The following NLGN1 variants were observed in gnomAD, a reference collection of about 807,000 sequenced individuals.
The protein encoded by NLGN1 is neuroligin-1.
A neutral mutation model predicts 65.5 loss-of-function variants in NLGN1; 12 were observed. The observed-to-expected ratio is 0.18, with a 90% CI of 0.12 to 0.30. The LOEUF (loss-of-function observed/expected upper bound fraction) is 0.30, where lower values mean the gene tolerates loss of function less well. Ranked by LOEUF, NLGN1 falls within the 10% of genes least tolerant of loss-of-function variation. The pLI is 1.00. For synonymous variants in NLGN1, 350 were observed against 359.5 expected (o/e 0.97, Z 0.30); for missense variants, 750 against 1,007.1 (o/e 0.74, Z 3.46).
At chr3:173,595,806 G>A (rs1015021781) in intron 2 of NLGN1, among the ~76,000 whole-genome samples, 1 of 152,218 alleles carries the variant, frequency 6.6e-6, no homozygotes, top group Admixed American at 6.5e-5. Context: ...AGAAAATGAG[G>A]AAGATGCAAA....
chr3:174,234,594 G>GT (rs1004027957), intron 4 of NLGN1, among the ~76,000 whole-genome samples: 14 of 152,116 alleles, frequency 9.2e-5, no homozygotes, highest in Non-Finnish European at 1.8e-4. Context: ...CTAGTTTTAG[G>GT]TTTTTTCTAT....
intron 4 of NLGN1, among the ~76,000 whole-genome samples, chr3:174,040,261 AG>A (rs1231132525): frequency 1.3e-4 from 20 of 152,224 alleles, no homozygotes; most frequent in African/African-American, 4.8e-4. Flanking sequence ...GTGTTACGTA[AG>A]GGGAATGACG....
chr3:173,773,623 TAATTA>T (rs1477048411), intron 3 of NLGN1, among the ~76,000 whole-genome samples: 73 of 152,330 alleles, frequency 4.8e-4, no homozygotes, highest in African/African-American at 1.5e-3. Flanking sequence ...TATTGAATAA[TAATTA>T]AATTAAGTAC....
At chr3:174,064,154 A>G (rs1737986043) in intron 4 of NLGN1, among the ~76,000 whole-genome samples, 1 of 152,090 alleles carries the variant, frequency 6.6e-6, no homozygotes, top group Non-Finnish European at 1.5e-5. Context: ...AACAACAACA[A>G]CAACAAAAAA....
chr3:174,127,350 C>T lies in NLGN1; in HGVS notation c.647-147965C>T, dbSNP rs143100997. On this transcript the variant is annotated intron_variant, in intron 4 of 6. Coordinates refer to ENST00000457714, the Ensembl canonical transcript of NLGN1. ...GTGTGGTTATTTTCTATTATTTAAG[C>T]ATTGTAAGGACATAATATTTTAAAG... 6.2e-3 allele frequency among the ~76,000 whole-genome samples: 949 copies of T among 152,164 alleles called. 25 individuals are homozygous for T. The highest frequency in any genetic ancestry group is 0.039 in the East Asian group (204 of 5,176).
chr3:174,290,263 T>C (rs1383579877), downstream of NLGN1, among the ~76,000 whole-genome samples: 2 of 150,704 alleles, frequency 1.3e-5, no homozygotes, highest in Non-Finnish European at 3.0e-5. Flanking sequence ...ATCAAAACAG[T>C]GTTATATCAA....
At chr3:173,421,081 A>G (rs1714949604) in intron 1 of NLGN1, among the ~76,000 whole-genome samples, 1 of 152,186 alleles carries the variant, frequency 6.6e-6, no homozygotes, top group Non-Finnish European at 1.5e-5. Flanking sequence ...AGTTAAAAAT[A>G]ATAATACAAT....
At chr3:173,436,170 C>T (rs2148770350) in intron 2 of NLGN1, among the ~76,000 whole-genome samples, 1 of 152,316 alleles carries the variant, frequency 6.6e-6, no homozygotes, top group South Asian at 2.1e-4. Flanking sequence ...ATTATTTAGC[C>T]TTTGCTAAGA....
At chr3:173,930,610 G>T (rs9875618) in intron 4 of NLGN1, among the ~76,000 whole-genome samples, 6,069 of 152,184 alleles carry the variant, frequency 0.04, 196 homozygotes, top group African/African-American at 0.093. Flanking sequence ...AAGAAAGAAG[G>T]ATAGAGTTTA....
At chr3:174,223,918 C>T (rs1739129660) in intron 4 of NLGN1, among the ~76,000 whole-genome samples, 1 of 152,100 alleles carries the variant, frequency 6.6e-6, no homozygotes, top group Admixed American at 6.6e-5. Context: ...ATTTTAGACT[C>T]CTCCCTCTTG....
intron 4 of NLGN1, among the ~76,000 whole-genome samples, chr3:174,135,924 G>T (rs1721127081): frequency 6.6e-6 from 1 of 152,076 alleles, no homozygotes; most frequent in Admixed American, 6.6e-5. Flanking sequence ...ATTGAAAATT[G>T]AGATTCAATA....
At chr3:173,705,764 A>G (rs1469368234) in intron 3 of NLGN1, among the ~76,000 whole-genome samples, 1 of 151,768 alleles carries the variant, frequency 6.6e-6, no homozygotes, top group Non-Finnish European at 1.5e-5. Flanking sequence ...TTTCTTCCTA[A>G]TATGTGGAGA....
intron 1 of NLGN1, among the ~76,000 whole-genome samples, chr3:173,424,101 C>T (rs1715648654): frequency 6.6e-6 from 1 of 152,204 alleles, no homozygotes; most frequent in Non-Finnish European, 1.5e-5. Flanking sequence ...TCCTCTGAAG[C>T]AATTGCCTCA....
intron 4 of NLGN1, among the ~76,000 whole-genome samples, chr3:174,159,510 A>G (rs1473128333): frequency 3.3e-5 from 5 of 151,848 alleles, no homozygotes; most frequent in Non-Finnish European, 7.4e-5. Flanking sequence ...GATGAAAAAG[A>G]AAATCAGGAT....
chr3:173,918,364 C>T (rs539497619), intron 4 of NLGN1, among the ~76,000 whole-genome samples: 1 of 151,954 alleles, frequency 6.6e-6, no homozygotes. Flanking sequence ...GGGCCGGGCG[C>T]GGTGGCTCAC....
chr3:173,686,814 G>A (rs1764746112), intron 3 of NLGN1, among the ~76,000 whole-genome samples: 1 of 152,088 alleles, frequency 6.6e-6, no homozygotes, highest in Admixed American at 6.6e-5. Context: ...TTAGCGGGGT[G>A]TGGTGGCAGG....
chr3:173,646,039 G>A (rs777742014), intron 3 of NLGN1, among the ~76,000 whole-genome samples: 2 of 152,064 alleles, frequency 1.3e-5, no homozygotes, highest in African/African-American at 4.8e-5. Flanking sequence ...CACTCTAGCC[G>A]CTTTTGGCTC....
chr3:173,618,866 A>G (rs892556153), intron 3 of NLGN1, among the ~76,000 whole-genome samples: 4 of 152,112 alleles, frequency 2.6e-5, no homozygotes, highest in African/African-American at 9.7e-5. Flanking sequence ...AGCGAGATCA[A>G]CTGGATCTGT....
At chr3:174,093,776 A>G (rs981048574) in intron 4 of NLGN1, among the ~76,000 whole-genome samples, 1 of 152,228 alleles carries the variant, frequency 6.6e-6, no homozygotes, top group Admixed American at 6.5e-5. Context: ...CAATGTCAGT[A>G]TAATTTAGTT....
Sources: gnomAD v4.1 joint callset for allele counts (sites outside exome capture counted in the v4.1 genomes callset) on GRCh38, gnomAD v4.1.1 for gene constraint, MANE v1.5 for transcripts, NCBI Gene and HGNC (gene_info 2026-07-23, HGNC 2026-07-21) for gene names.